The following NEDD9 variants were observed in gnomAD, a reference collection of about 807,000 sequenced individuals.
The protein encoded by NEDD9 is neural precursor cell expressed, developmentally down-regulated 9, also known as enhancer of filamentation 1.
NEDD9 carries 26 observed loss-of-function variants against 76.6 expected under a neutral mutation model. The ratio of observed to expected loss-of-function variants is 0.34; its 90% CI spans 0.25 to 0.47. The LOEUF is 0.47. Among genes scored for constraint, NEDD9 ranks in the 20% least tolerant of loss-of-function variants. The pLI is 1.00. For missense variants in NEDD9, 937 were observed against 1,058.5 expected, an observed-to-expected ratio of 0.89 and a Z score of 1.59; for synonymous variants, 392 against 414.2, an observed-to-expected ratio of 0.95 and a Z score of 0.65.
intron 3 of NEDD9, among the ~76,000 whole-genome samples, chr6:11,294,302 C>G (rs1015691075): frequency 2.0e-5 from 3 of 152,156 alleles, no homozygotes; most frequent in African/African-American, 7.2e-5. Flanking sequence ...CTCTATGTCT[C>G]TACCCAAATC....
chr6:11,267,103 A>T (rs1372884232), intron 3 of NEDD9, among the ~76,000 whole-genome samples: 1 of 152,212 alleles, frequency 6.6e-6, no homozygotes, highest in Non-Finnish European at 1.5e-5. Context: ...GATTACAAAC[A>T]TCCCTCATAT....
intron 3 of NEDD9, among the ~76,000 whole-genome samples, chr6:11,254,795 A>T (rs1179610267): frequency 6.6e-6 from 1 of 152,198 alleles, no homozygotes; most frequent in African/African-American, 2.4e-5. Context: ...CTTCCCAGCT[A>T]CATTCTACAT....
intron 1 of NEDD9, among the ~76,000 whole-genome samples, chr6:11,372,957 T>G (rs962972770): frequency 4.6e-5 from 7 of 152,312 alleles, no homozygotes; most frequent in African/African-American, 1.7e-4. Context: ...ACCAATGTCT[T>G]TATTTTTAAT....
At chr6:11,250,235 A>G (rs1218287959) in intron 3 of NEDD9, among the ~76,000 whole-genome samples, 1 of 152,232 alleles carries the variant, frequency 6.6e-6, no homozygotes, top group African/African-American at 2.4e-5. Context: ...GTGTAAAGTC[A>G]TAAAATTTTG....
chr6:11,230,316 T>C (rs1759431885), intron 1 of NEDD9, among the ~76,000 whole-genome samples: 1 of 152,250 alleles, frequency 6.6e-6, no homozygotes, highest in East Asian at 1.9e-4. Flanking sequence ...GTTAAAGTCA[T>C]GAGTTCTGGA....
intron 2 of NEDD9, among the ~76,000 whole-genome samples, chr6:11,332,169 G>C (rs947787108): frequency 6.6e-6 from 1 of 152,210 alleles, no homozygotes; most frequent in African/African-American, 2.4e-5. Context: ...AGTAAGGCAA[G>C]ATCTATGAAA....
intron 3 of NEDD9, among the ~76,000 whole-genome samples, chr6:11,257,570 T>C (rs1276262241): frequency 1.3e-5 from 2 of 152,224 alleles, no homozygotes; most frequent in Non-Finnish European, 2.9e-5. Context: ...TTCTAGACAC[T>C]GCTCCTTACT....
upstream of NEDD9, among the ~76,000 whole-genome samples, chr6:11,232,893 G>T (rs1393732759): frequency 6.6e-6 from 1 of 150,524 alleles, no homozygotes; most frequent in Admixed American, 6.6e-5. Context: ...TCCCGCCCCC[G>T]CCAAAAAAGA....
chr6:11,301,701 A>G (rs1270816916), intron 3 of NEDD9, among the ~76,000 whole-genome samples: 2 of 152,244 alleles, frequency 1.3e-5, no homozygotes, highest in Non-Finnish European at 2.9e-5. Context: ...AGAACTCAGG[A>G]TTAATAAACC....
chr6:11,382,108 C>T (rs1004937202), intron 1 of NEDD9: 2 of 152,248 alleles, frequency 1.3e-5, no homozygotes. Context: ...CCTCCTCTCC[C>T]ACAGGCCACA....
At chr6:11,283,005 C>T (rs761949477) in intron 3 of NEDD9, among the ~76,000 whole-genome samples, 15 of 152,198 alleles carry the variant, frequency 9.9e-5, no homozygotes, top group Non-Finnish European at 1.8e-4. Context: ...TTATTGCAAC[C>T]ATACAGGCTT....
rs146285112 is a variant in NEDD9 at position 11,286,212 on chromosome 6, C to T, written c.12+19780G>A. ...CAGACATTTTATTAATGAGGACACA[C>T]ACAGATGACAAATAAGCATATGAAA... is the stretch of plus-strand genomic sequence containing the variant. On this transcript the variant is annotated intron_variant, in intron 3 of 3. Coordinates refer to the NEDD9 transcript ENST00000397378. Among the ~76,000 whole-genome samples, 78 of 152,246 alleles carry T rather than the reference C, an allele frequency of 5.1e-4. 1 individual carries two copies. In the East Asian group the frequency reaches 0.012, roughly 24 times the overall value.
chr6:11,203,168 G>A (rs759417064), intron 2 of NEDD9, among the ~76,000 whole-genome samples: 1 of 152,228 alleles, frequency 6.6e-6, no homozygotes, highest in Non-Finnish European at 1.5e-5. Flanking sequence ...TGGGTTTCAC[G>A]AGTGGTTGAG....
At chr6:11,204,246 A>G (rs1758536656) in intron 2 of NEDD9, among the ~76,000 whole-genome samples, 2 of 152,234 alleles carry the variant, frequency 1.3e-5, no homozygotes, top group African/African-American at 4.8e-5. Flanking sequence ...TACGCTAGCA[A>G]TACATGTTAG....
intron 1 of NEDD9, among the ~76,000 whole-genome samples, chr6:11,225,691 C>T (rs1475333104): frequency 1.3e-5 from 2 of 151,886 alleles, no homozygotes; most frequent in East Asian, 1.9e-4. Context: ...TTAGTAGAGA[C>T]GGGGTTTCAC....
intron 3 of NEDD9, among the ~76,000 whole-genome samples, chr6:11,265,160 T>C (rs1429343961): frequency 6.6e-6 from 1 of 152,236 alleles, no homozygotes; most frequent in Non-Finnish European, 1.5e-5. Flanking sequence ...AAGTTTAAAA[T>C]TGCATGAGTA....
intron 2 of NEDD9, among the ~76,000 whole-genome samples, chr6:11,332,950 A>G (rs1044852383): frequency 6.6e-6 from 1 of 152,096 alleles, no homozygotes; most frequent in Non-Finnish European, 1.5e-5. Flanking sequence ...CAGCACATAG[A>G]TATATGAGGA....
chr6:11,257,317 C>A (rs1237070909), intron 3 of NEDD9, among the ~76,000 whole-genome samples: 1 of 152,240 alleles, frequency 6.6e-6, no homozygotes, highest in Non-Finnish European at 1.5e-5. Flanking sequence ...AATATCTCTA[C>A]ACATTGGCAA....
At chr6:11,220,302 G>A (rs1386783487) in intron 1 of NEDD9, among the ~76,000 whole-genome samples, 6 of 152,126 alleles carry the variant, frequency 3.9e-5, no homozygotes, top group Admixed American at 3.9e-4. Context: ...AAGCTTATAG[G>A]AGTATCTTGG....
Sources: gnomAD v4.1 joint callset for allele counts (sites outside exome capture counted in the v4.1 genomes callset) on GRCh38, gnomAD v4.1.1 for gene constraint, MANE v1.5 for transcripts, NCBI Gene and HGNC (gene_info 2026-07-23, HGNC 2026-07-21) for gene names.